The following HOXB6 variants were observed in gnomAD, a reference collection of about 807,000 sequenced individuals.
HOXB6 encodes the protein homeobox protein Hox-B6.
In HOXB6, 18 loss-of-function variants were observed where a neutral mutation model predicts 24.2. The ratio of observed to expected loss-of-function variants is 0.74; its 90% CI spans 0.51 to 1.10. The LOEUF is 1.10. Ranked by LOEUF, HOXB6 falls within the 50% of genes least tolerant of loss-of-function variation. The pLI is 0.00. For synonymous variants in HOXB6, 159 were observed against 139.1 expected (o/e 1.14, Z -1.01); for missense variants, 332 against 308.3 (o/e 1.08, Z -0.58).
At chr17:48,601,353 G>A (rs2070457661) in intron 2 of HOXB6, 1 of 150,090 alleles carries the variant, frequency 6.7e-6, no homozygotes, top group South Asian at 2.1e-4. Flanking sequence ...ATTATGCAAA[G>A]GAGCGGCATC....
chr17:48,597,325 C>T (rs2070328491), intron 3 of HOXB6, among the ~76,000 whole-genome samples: 1 of 152,184 alleles, frequency 6.6e-6, no homozygotes, highest in Non-Finnish European at 1.5e-5. Flanking sequence ...AGCGTCACCC[C>T]CTACCCCCTT....
chr17:48,604,839 C>G (rs2070545588), intron 1 of HOXB6, 23 bp downstream of exon 1: 1 of 151,976 alleles, frequency 6.6e-6, no homozygotes, highest in Admixed American at 6.6e-5. Context: ...CTCCCTCTCG[C>G]GCTCTCTCTC....
chr17:48,600,637 A>G, intron 2 of HOXB6: 1 of 431,892 alleles, frequency 2.3e-6, no homozygotes, highest in Non-Finnish European at 4.7e-6. Flanking sequence ...TTCTGGAGCC[A>G]GATCCCTACG....
intron 2 of HOXB6, chr17:48,602,437 T>G: frequency 2.9e-6 from 1 of 349,774 alleles, no homozygotes; most frequent in South Asian, 2.2e-5. Context: ...ACCCTTTGAT[T>G]CAGGGCCCCT....
intron 2 of HOXB6, chr17:48,604,088 A>T (rs2070529179): frequency 6.5e-6 from 1 of 152,742 alleles, no homozygotes. Flanking sequence ...GGCCGAGACA[A>T]GGGAGGGATG....
At position 48,596,700 on chromosome 17, in the gene HOXB6, C is replaced by T. The variant is rs2070307803; in HGVS notation, c.416-28G>A. The T allele has an allele frequency of 5.6e-6, 9 of 1,607,524 alleles. No individual in the cohort carries two copies. The highest frequency in any genetic ancestry group is 1.3e-5 in the African/African-American group (1 of 74,916). On this transcript the variant is annotated intron_variant, in intron 3 of 3. Coordinates refer to ENST00000225648, the MANE Select transcript of HOXB6 (RefSeq NM_018952.5). The surrounding 1 kb of genome is among the most constrained non-coding windows in gnomAD (Gnocchi z 4.8). ...GTTACGCAGAGTGGAGATGCTGAGG[C>T]CTGCGGTCACCGGGCCCAGGACCCC...
At chr17:48,597,365 G>A (rs1162504246) in intron 3 of HOXB6, among the ~76,000 whole-genome samples, 1 of 152,072 alleles carries the variant, frequency 6.6e-6, no homozygotes, top group Non-Finnish European at 1.5e-5. Flanking sequence ...TAATGGAGCC[G>A]TCTTTGGTTG....
chr17:48,596,613 G>A lies in HOXB6; in HGVS notation c.475C>T (p.Leu159=), dbSNP rs1468588708. The A allele has an allele frequency of 1.9e-6, 3 of 1,614,176 alleles. No homozygotes were observed. The Admixed American group carries it at 5.0e-5, about 27-fold the overall frequency. Residue 159 remains leucine, a synonymous_variant, in exon 4 of 4, where the codon CTG becomes TTG. Coordinates refer to ENST00000225648, the MANE Select transcript of HOXB6 (RefSeq NM_018952.5). The surrounding 1 kb of genome is among the most constrained non-coding windows in gnomAD (Gnocchi z 4.8). The part of the protein sequence containing the change: ...GRQTYTRYQT[L]ELEKEFHYNR... ...TAGTGAAACTCCTTCTCCAGCTCCA[G>A]CGTCTGGTAACGTGTGTATGTCTGG...
At chr17:48,600,468 C>G (rs1036475292) in intron 2 of HOXB6, 1 of 455,912 alleles carries the variant, frequency 2.2e-6, no homozygotes, top group African/African-American at 2.0e-5. Context: ...GGAGATGGAG[C>G]CACTACAGGC....
rs1301496484 is a variant in HOXB6 at position 48,596,705 on chromosome 17, G to C, written c.416-33C>G. On this transcript the variant is annotated intron_variant, in intron 3 of 3. Coordinates refer to ENST00000225648, the MANE Select transcript of HOXB6 (RefSeq NM_018952.5). This position sits in a 1 kb window ranked among gnomAD's most constrained non-coding sequence, Gnocchi z 4.8. The stretch of plus-strand genomic sequence containing the variant: ...GCAGAGTGGAGATGCTGAGGCCTGC[G>C]GTCACCGGGCCCAGGACCCCCTCCC... 1.2e-6 allele frequency: 2 copies of C among 1,606,900 alleles called. No individual in the cohort carries two copies. The highest frequency in any genetic ancestry group is 1.7e-5 in the Admixed American group (1 of 60,030).
chr17:48,602,434 G>C, intron 2 of HOXB6: 1 of 350,194 alleles, frequency 2.9e-6, no homozygotes, highest in Non-Finnish European at 5.6e-6. Flanking sequence ...TCCACCCTTT[G>C]ATTCAGGGCC....
At position 48,595,812 on chromosome 17, in the gene HOXB6, T is replaced by C. The variant is rs145458595; in HGVS notation, c.*601A>G. The C allele has an allele frequency of 1.1e-3, 239 of 220,544 alleles. No individual in the cohort carries two copies. The highest frequency in any genetic ancestry group is 5.3e-3 in the African/African-American group (226 of 42,654). 13.7% of individuals were successfully genotyped at this position (220,544 alleles called of 1,614,324 possible). The stretch of plus-strand genomic sequence containing the variant: ...GTTATTATTATTATTATTATCATCA[T>C]CATCATCATCATCATCATCGAAGTA... On this transcript the variant is annotated 3_prime_UTR_variant, in exon 4 of 4. Transcript: ENST00000225648.
intron 2 of HOXB6, chr17:48,604,043 C>T (rs926573924): frequency 2.6e-5 from 4 of 152,796 alleles, no homozygotes; most frequent in South Asian, 2.1e-4. Context: ...GATATCCGCA[C>T]CAGGCAAGAG....
In HOXB6 at chr17:48,597,972, G is replaced by A. The variant is rs760868837; in HGVS notation, c.179C>T (p.Pro60Leu). 1 of 1,584,342 alleles carries A rather than the reference G, an allele frequency of 6.3e-7. No individual in the cohort carries two copies. The highest frequency in any genetic ancestry group is 8.6e-7 in the Non-Finnish European group (1 of 1,165,438). Reference protein sequence around the residue: ...DKGFATSSYYPPAGGGYGRAA... With the variant: ...DKGFATSSYYLPAGGGYGRAA... ...TCGGCCGTAGCCACCGCCCGCCGGC[G>A]GGTAATAGGAGGAAGTGGCAAAGCC... The change falls in exon 3 of 4, where the codon CCG becomes CTG. Residue 60 changes from proline to leucine, a missense_variant. Coordinates refer to ENST00000225648, the MANE Select transcript of HOXB6 (RefSeq NM_018952.5).
intron 2 of HOXB6, 44 bp from the exon 3 acceptor site, chr17:48,598,272 T>A (rs2070371666): frequency 9.8e-7 from 1 of 1,016,232 alleles, no homozygotes; most frequent in Non-Finnish European, 1.4e-6. Context: ...TGAGGGGGGA[T>A]GGCGAGGTGC....
chr17:48,598,887 G>A (rs1268007054), intron 2 of HOXB6, among the ~76,000 whole-genome samples: 2 of 152,214 alleles, frequency 1.3e-5, no homozygotes, highest in African/African-American at 2.4e-5. Flanking sequence ...CAACCCTTCT[G>A]GTCTGAGGGG....
At chr17:48,601,452 T>C (rs4793951) in intron 2 of HOXB6, 26,890 of 152,282 alleles carry the variant, frequency 0.18, 2,408 homozygotes, top group African/African-American at 0.19. Flanking sequence ...CTGAGGGCCC[T>C]GAAGTGTTTC....
Position 48,598,056 on chromosome 17 carries a change from T to A in HOXB6, c.95A>T (p.Tyr32Phe). The A allele has an allele frequency of 1.9e-6, 3 of 1,603,644 alleles. No homozygotes were observed. Among genetic ancestry groups the A allele is most frequent in the Non-Finnish European group, 8.5e-7 (1 of 1,175,406 alleles). Residue 32 changes from tyrosine (Y) to phenylalanine (F), a missense_variant, in exon 3 of 4, where the codon TAT (tyrosine) becomes TTT (phenylalanine). Physicochemically the swap from Tyr to Phe is conservative, Grantham distance 22. Transcript: ENST00000225648. ...GGGGTAATGTCTCAGCGGGTCCGCA[T>A]AGCCCGACGAATAGAGCGGTAGCTG... ...LGQLPLYSSG[Y>F]ADPLRHYPAP... is the part of the protein sequence containing the mutation.
intron 2 of HOXB6, among the ~76,000 whole-genome samples, chr17:48,600,989 T>TGC: frequency 1.1e-5 from 1 of 88,986 alleles, no homozygotes; most frequent in Non-Finnish European, 2.4e-5. Context: ...GAGGGATATT[T>TGC]GCGTGTGTGT....
Sources: gnomAD v4.1 joint callset for allele counts (sites outside exome capture counted in the v4.1 genomes callset) on GRCh38, gnomAD v4.1.1 for gene constraint, Gnocchi (gnomAD v3.1) non-coding constraint, MANE v1.5 for transcripts, NCBI Gene and HGNC (gene_info 2026-07-23, HGNC 2026-07-21) for gene names.